The following HIRA variants were observed in gnomAD, a reference collection of about 807,000 sequenced individuals.
HIRA encodes the protein protein HIRA.
HIRA carries 13 observed loss-of-function variants against 126.6 expected under a neutral mutation model. The observed-to-expected ratio is 0.10, with a 90% CI of 0.07 to 0.16. The LOEUF is 0.16. Among genes scored for constraint, HIRA ranks in the 10% least tolerant of loss-of-function variants. The pLI, the probability that HIRA is intolerant of heterozygous loss-of-function variation, is 1.00. For synonymous variants in HIRA, 511 were observed against 520.0 expected (o/e 0.98, Z 0.24); for missense variants, 834 against 1,314.4 (o/e 0.63, Z 5.65).
intron 1 of HIRA, among the ~76,000 whole-genome samples, chr22:19,414,209 C>G (rs1457894269): frequency 6.6e-6 from 1 of 152,228 alleles, no homozygotes; most frequent in Admixed American, 6.5e-5. Context: ...TGTCTACTGT[C>G]TGGGGATTTG....
chr22:19,347,934 G>A (rs1286252641), intron 24 of HIRA, among the ~76,000 whole-genome samples: 10 of 152,116 alleles, frequency 6.6e-5, no homozygotes, highest in Admixed American at 2.0e-4. Context: ...GCGAGACTCC[G>A]TCTCAAAATA....
intron 1 of HIRA, among the ~76,000 whole-genome samples, chr22:19,428,083 G>T (rs903414307): frequency 4.6e-5 from 7 of 152,106 alleles, no homozygotes; most frequent in Non-Finnish European, 1.0e-4. Flanking sequence ...AATGGAAGAG[G>T]TAAGTCTTAT....
chr22:19,411,116 C>T (rs1336038612), intron 1 of HIRA, among the ~76,000 whole-genome samples: 1 of 152,238 alleles, frequency 6.6e-6, no homozygotes, highest in Admixed American at 6.5e-5. Context: ...GACTGGCAGC[C>T]TAGACAGAAG....
chr22:19,345,441 G>A (rs2088675240), intron 24 of HIRA, among the ~76,000 whole-genome samples: 1 of 152,200 alleles, frequency 6.6e-6, no homozygotes, highest in South Asian at 2.1e-4. Flanking sequence ...TCTTTGTACA[G>A]CCTGCAACAC....
intron 12 of HIRA, among the ~76,000 whole-genome samples, chr22:19,384,057 G>A (rs1020052777): frequency 2.0e-5 from 3 of 152,018 alleles, no homozygotes; most frequent in East Asian, 1.9e-4. Flanking sequence ...GGTGGCTCAC[G>A]CCTGTAATCC....
chr22:19,397,018 G>C, intron 6 of HIRA, 71 bp from the exon 7 acceptor site: 2 of 1,433,154 alleles, frequency 1.4e-6, no homozygotes, highest in South Asian at 2.4e-5. Flanking sequence ...TGGGCCATGG[G>C]ATGGATATGC....
At chr22:19,423,704 C>T (rs1028157929) in intron 1 of HIRA, among the ~76,000 whole-genome samples, 7 of 152,304 alleles carry the variant, frequency 4.6e-5, no homozygotes, top group African/African-American at 1.7e-4. Flanking sequence ...CCAGGGTAGC[C>T]TCCCAGGGAA....
Position 19,355,776 on chromosome 22 carries a change from G to A in HIRA, c.2545C>T (p.Pro849Ser), listed in dbSNP as rs145910446. 77 of 1,612,792 alleles carry A rather than the reference G, an allele frequency of 4.8e-5. No individual in the cohort carries two copies. The African/African-American group carries it at 9.6e-4, about 20-fold the overall frequency. The part of the protein sequence containing the change: ...LSDGKAYCFN[P>S]SLSTWNLVSD... Reference sequence around the variant, plus strand: ...CTTGCTTACCATGTGGAAAGTGACGGATTAAAGCAGTACGCCTTCCCATCG... The same window carrying A: ...CTTGCTTACCATGTGGAAAGTGACGAATTAAAGCAGTACGCCTTCCCATCG... Residue 849 changes from proline (P) to serine (S), a missense_variant, in exon 21 of 25, where the codon CCG (proline) becomes TCG (serine). Coordinates refer to ENST00000263208, the MANE Select transcript of HIRA (RefSeq NM_003325.4).
intron 8 of HIRA, 44 bp downstream of exon 8, chr22:19,394,298 C>T (rs763608939): frequency 1.9e-6 from 3 of 1,586,794 alleles, no homozygotes; most frequent in Non-Finnish European, 2.6e-6. Flanking sequence ...TTAATATTTG[C>T]TGAATCTTGG....
At chr22:19,338,002 G>C (rs1664484544) in intron 24 of HIRA, among the ~76,000 whole-genome samples, 1 of 152,100 alleles carries the variant, frequency 6.6e-6, no homozygotes, top group African/African-American at 2.4e-5. Flanking sequence ...GTGTTGGCCA[G>C]GCTGGTCTTG....
rs1273895650 is a variant in HIRA, at chr22:19,331,212, A to G, written c.*228T>C. 2.1e-6 allele frequency: 3 copies of G among 1,452,150 alleles called. No individual in the cohort carries two copies. The highest frequency in any genetic ancestry group is 1.4e-5 in the African/African-American group (1 of 71,096). 90.0% of individuals were successfully genotyped at this position (1,452,150 alleles called of 1,614,324 possible). Reference sequence around the variant, plus strand: ...GGCAGAGCTCCAGCCCTAGCTCCGCATCGGGGGCTTGGAGGGAGGGATGAG... The same window carrying G: ...GGCAGAGCTCCAGCCCTAGCTCCGCGTCGGGGGCTTGGAGGGAGGGATGAG... On this transcript the variant is annotated 3_prime_UTR_variant, in exon 25 of 25. Transcript: ENST00000263208.
intron 1 of HIRA, among the ~76,000 whole-genome samples, chr22:19,413,562 G>A (rs2089371078): frequency 6.6e-6 from 1 of 151,848 alleles, no homozygotes; most frequent in Non-Finnish European, 1.5e-5. Flanking sequence ...CCCAAGGAAA[G>A]CAGTCACTCA....
chr22:19,402,495 C>A (rs5748182), intron 5 of HIRA, among the ~76,000 whole-genome samples: 152,368 of 152,368 alleles, frequency 1, 76,184 homozygotes, highest in Non-Finnish European at 1. Flanking sequence ...AGCAAAAGAC[C>A]AATAATTTAA....
chr22:19,387,477 C>T (rs2089137645), intron 11 of HIRA, among the ~76,000 whole-genome samples: 2 of 152,144 alleles, frequency 1.3e-5, no homozygotes, highest in Non-Finnish European at 2.9e-5. Context: ...AAAGAGATGC[C>T]TAAAATAGTT....
chr22:19,381,594 T>G (rs1250645166), intron 13 of HIRA, among the ~76,000 whole-genome samples: 1 of 152,210 alleles, frequency 6.6e-6, no homozygotes, highest in Non-Finnish European at 1.5e-5. Context: ...TTACCTAAAA[T>G]TTGAACCTCC....
intron 5 of HIRA, chr22:19,405,572 G>C (rs2089301461): frequency 2.2e-6 from 2 of 896,930 alleles, no homozygotes; most frequent in Non-Finnish European, 2.7e-6. Context: ...GAGGGCAAGA[G>C]TGGGGAGACT....
chr22:19,344,237 C>A (rs116966019), intron 24 of HIRA, among the ~76,000 whole-genome samples: 2 of 151,930 alleles, frequency 1.3e-5, no homozygotes, highest in Admixed American at 1.3e-4. Flanking sequence ...AAAGTTGATT[C>A]TTTGAAAAGA....
In HIRA at chr22:19,356,238, A is replaced by T; in HGVS notation, c.2447T>A (p.Ile816Asn). ...CCTGTTGCCTGCATTACCTGCCAGG[A>T]TGGAGTGTAGAGACTCTTCTTTCAC... The part of the protein sequence containing the change: ...VVVKEESLHS[I>N]LAGSDMTVSQ... Residue 816 changes from isoleucine (I) to asparagine (N), a missense_variant, in exon 20 of 25, where the codon ATC (isoleucine) becomes AAC (asparagine). Around this residue, in one of 5 missense-constraint regions of HIRA, gnomAD observed 468 missense variants for 574.2 expected, o/e 0.82. Transcript: ENST00000263208. The T allele has an allele frequency of 3.1e-6, 5 of 1,613,980 alleles. No individual in the cohort carries two copies. In the South Asian group the frequency reaches 5.5e-5, roughly 18 times the overall value.
chr22:19,372,577 T>G (rs1379604215), intron 15 of HIRA, among the ~76,000 whole-genome samples: 1 of 151,630 alleles, frequency 6.6e-6, no homozygotes, highest in African/African-American at 2.4e-5. Context: ...TTTAATTTTT[T>G]TTTTTTTTTT....
Sources: gnomAD v4.1 joint callset for allele counts (sites outside exome capture counted in the v4.1 genomes callset) on GRCh38, gnomAD v4.1.1 for gene constraint, gnomAD v4.1.1 regional missense constraint, MANE v1.5 for transcripts, NCBI Gene and HGNC (gene_info 2026-07-23, HGNC 2026-07-21) for gene names.